Variants in LPP observed in about 807,000 individuals in gnomAD.
LPP encodes lipoma-preferred partner.
LPP carries 38 observed loss-of-function variants against 60.4 expected under a neutral mutation model. That is an observed-to-expected ratio of 0.63 (90% confidence interval 0.49 to 0.83). The LOEUF is 0.83. Among genes scored for constraint, LPP ranks in the 40% least tolerant of loss-of-function variants. LPP has a pLI of 0.00. For synonymous variants in LPP, 328 were observed against 290.8 expected (o/e 1.13, Z -1.30); for missense variants, 902 against 783.6 (o/e 1.15, Z -1.80).
chr3:188,605,216 T>C (rs919726019), intron 6 of LPP, among the ~76,000 whole-genome samples: 7 of 152,154 alleles, frequency 4.6e-5, no homozygotes, highest in Non-Finnish European at 8.8e-5. Context: ...GTTTGGATGT[T>C]TTTAGAGAAT....
chr3:188,841,949 G>C (rs1403763385), intron 9 of LPP, among the ~76,000 whole-genome samples: 1 of 152,176 alleles, frequency 6.6e-6, no homozygotes, highest in Non-Finnish European at 1.5e-5. Context: ...TTTGGGCTGA[G>C]ACGATGGGGT....
intron 2 of LPP, among the ~76,000 whole-genome samples, chr3:188,323,109 G>T (rs574928220): frequency 3.3e-5 from 5 of 152,308 alleles, no homozygotes; most frequent in African/African-American, 1.2e-4. Flanking sequence ...ATGGATTTGT[G>T]CTGGCTTCCC....
intron 8 of LPP, among the ~76,000 whole-genome samples, chr3:188,743,347 T>C (rs1725081755): frequency 6.6e-6 from 1 of 151,830 alleles, no homozygotes; most frequent in Non-Finnish European, 1.5e-5. Flanking sequence ...TGAGGGGACA[T>C]TTGAGACGAA....
intron 6 of LPP, among the ~76,000 whole-genome samples, chr3:188,560,754 C>G (rs530965761): frequency 1.3e-5 from 2 of 152,070 alleles, no homozygotes; most frequent in Non-Finnish European, 2.9e-5. Context: ...CATTTCTGAG[C>G]CTGGCTGATC....
In LPP at chr3:188,664,096, A is replaced by G. The variant is rs556404096; in HGVS notation, c.1114-44171A>G. 9.2e-5 allele frequency among the ~76,000 whole-genome samples: 14 copies of G among 152,372 alleles called. 1 individual carries two copies. The South Asian group carries it at 2.9e-3, about 32-fold the overall frequency. ...TACAAACCACATATTGTCACTTGTC[A>G]TAATTGGACAGAGCTGCAATGAGGT... On this transcript the variant is annotated intron_variant, in intron 7 of 11. Transcript: ENST00000617246.
chr3:188,249,475 A>G (rs1379434204), intron 2 of LPP, among the ~76,000 whole-genome samples: 1 of 152,232 alleles, frequency 6.6e-6, no homozygotes, highest in East Asian at 1.9e-4. Context: ...AGAGAAAGAA[A>G]GAAAAAAGGA....
At chr3:188,466,221 T>C (rs944952071) in intron 4 of LPP, among the ~76,000 whole-genome samples, 5 of 152,282 alleles carry the variant, frequency 3.3e-5, no homozygotes, top group Middle Eastern at 3.4e-3. Flanking sequence ...GGGTCATTCA[T>C]TGGTATTGTC....
At chr3:188,290,356 A>G (rs116386865) in intron 2 of LPP, among the ~76,000 whole-genome samples, 103 of 152,236 alleles carry the variant, frequency 6.8e-4, no homozygotes, top group African/African-American at 2.5e-3. Context: ...ACCACATAAT[A>G]TCATGTGACC....
intron 8 of LPP, among the ~76,000 whole-genome samples, chr3:188,736,068 A>G (rs1026172068): frequency 1.3e-5 from 2 of 152,216 alleles, no homozygotes; most frequent in Admixed American, 1.3e-4. Flanking sequence ...CAGCCCCTTC[A>G]CTTAAATGAT....
intron 5 of LPP, among the ~76,000 whole-genome samples, chr3:188,488,210 A>G (rs1807183143): frequency 6.6e-6 from 1 of 152,062 alleles, no homozygotes; most frequent in Admixed American, 6.5e-5. Flanking sequence ...TCTGAGATTC[A>G]TTGCAGAGGG....
intron 7 of LPP, among the ~76,000 whole-genome samples, chr3:188,635,615 A>G (rs1389391711): frequency 6.6e-6 from 1 of 152,234 alleles, no homozygotes; most frequent in Non-Finnish European, 1.5e-5. Context: ...TCAAAAAATC[A>G]GCATCTCAGC....
At chr3:188,221,735 G>A (rs1164704405) in intron 1 of LPP, among the ~76,000 whole-genome samples, 1 of 152,152 alleles carries the variant, frequency 6.6e-6, no homozygotes, top group Non-Finnish European at 1.5e-5. Context: ...GAATATAATA[G>A]CAAGGTAGAA....
At chr3:188,677,260 A>G (rs1379221392) in intron 7 of LPP, among the ~76,000 whole-genome samples, 2 of 152,240 alleles carry the variant, frequency 1.3e-5, no homozygotes, top group Non-Finnish European at 2.9e-5. Flanking sequence ...ATTGTTTTAT[A>G]GATAGCTAAT....
At chr3:188,338,231 C>G (rs1762179718) in intron 2 of LPP, among the ~76,000 whole-genome samples, 1 of 152,110 alleles carries the variant, frequency 6.6e-6, no homozygotes, top group African/African-American at 2.4e-5. Flanking sequence ...AAATCATAAG[C>G]TATGGAATAC....
chr3:188,251,207 T>C (rs1729518408), intron 2 of LPP, among the ~76,000 whole-genome samples: 1 of 151,336 alleles, frequency 6.6e-6, no homozygotes, highest in Non-Finnish European at 1.5e-5. Flanking sequence ...ATTTTGGCCC[T>C]CAAATTATCC....
rs149327037 is a variant in LPP, at chr3:188,285,965, G to T, written c.-66-55698G>T. 2.0e-3 allele frequency among the ~76,000 whole-genome samples: 312 copies of T among 152,256 alleles called. 1 individual carries two copies. The highest frequency in any genetic ancestry group is 7.3e-3 in the African/African-American group (305 of 41,554). On this transcript the variant is annotated intron_variant, in intron 2 of 11. Transcript: ENST00000617246. ...CTGTACCGAACTCTTTGTATTTTTG[G>T]AGCACATTTTGTCTTTTTTCTCCCT...
intron 2 of LPP, chr3:188,313,026 C>T (rs917176834): frequency 2.6e-5 from 4 of 151,764 alleles, no homozygotes; most frequent in African/African-American, 9.7e-5. Context: ...GGAGATATAC[C>T]TAATGTAAAT....
intron 9 of LPP, among the ~76,000 whole-genome samples, chr3:188,805,945 G>C (rs1166116720): frequency 6.6e-6 from 1 of 151,618 alleles, no homozygotes; most frequent in Non-Finnish European, 1.5e-5. Flanking sequence ...AACATGTTTT[G>C]TGTAACTTAA....
intron 4 of LPP, among the ~76,000 whole-genome samples, chr3:188,479,828 C>T (rs939805288): frequency 6.6e-6 from 1 of 152,080 alleles, no homozygotes; most frequent in African/African-American, 2.4e-5. Flanking sequence ...CTTTTTGTAC[C>T]ACAGTAAATG....
Sources: gnomAD v4.1 joint callset for allele counts (sites outside exome capture counted in the v4.1 genomes callset) on GRCh38, gnomAD v4.1.1 for gene constraint, MANE v1.5 for transcripts, NCBI Gene and HGNC (gene_info 2026-07-23, HGNC 2026-07-21) for gene names.